Variants in NOD2 observed in about 807,000 individuals in gnomAD.
NOD2 encodes the protein nucleotide-binding oligomerization domain-containing protein 2.
NOD2 carries 86 observed loss-of-function variants against 90.9 expected under a neutral mutation model. The observed-to-expected ratio is 0.95, with a 90% CI of 0.79 to 1.13. The LOEUF is 1.13. Among genes scored for constraint, NOD2 ranks in the 50% most tolerant of loss-of-function variants. NOD2 has a pLI of 0.00. For synonymous variants in NOD2, 581 were observed against 554.6 expected (o/e 1.05, Z -0.67); for missense variants, 1,238 against 1,283.8 (o/e 0.96, Z 0.55).
At chr16:50,697,339 C>A (rs371063908) in intron 1 of NOD2, 3 of 1,547,812 alleles carry the variant, frequency 1.9e-6, no homozygotes, top group South Asian at 1.2e-5. Context: ...GGCATTGTCC[C>A]GTCCCAGCTT....
In NOD2 at chr16:50,725,486, C is replaced by T. The variant is rs1023625248; in HGVS notation, c.2802-3C>T. On this transcript the variant is annotated splice_polypyrimidine_tract_variant and splice_region_variant and intron_variant, in intron 9 of 11. Coordinates refer to ENST00000647318, the MANE Select transcript of NOD2 (RefSeq NM_001370466.1). Reference sequence around the variant, plus strand: ...ACTGGATTTTCTCTCTTCTTCTCACCAGCCTGGAGGAGAACCATCTCCAGG... The same window carrying T: ...ACTGGATTTTCTCTCTTCTTCTCACTAGCCTGGAGGAGAACCATCTCCAGG... 6.2e-7 allele frequency: 1 copy of T among 1,612,070 alleles called. No homozygotes were observed. The highest frequency in any genetic ancestry group is 8.5e-7 in the Non-Finnish European group (1 of 1,178,266).
At chr16:50,710,423 A>C (rs1964406344) in intron 3 of NOD2, 135 bp from the exon 4 acceptor site, 2 of 1,127,416 alleles carry the variant, frequency 1.8e-6, no homozygotes. Flanking sequence ...TTGTGAATGG[A>C]GGAGCCAGGA....
At chr16:50,722,523 C>A in intron 7 of NOD2, 99 bp from the exon 8 acceptor site, 1 of 1,184,616 alleles carries the variant, frequency 8.4e-7, no homozygotes, top group Non-Finnish European at 1.3e-6. Context: ...TCCTGCCCCT[C>A]TGGCTGGGAC....
chr16:50,719,819 C>A, intron 6 of NOD2, 106 bp from the exon 7 acceptor site: 1 of 987,924 alleles, frequency 1.0e-6, no homozygotes, highest in South Asian at 1.3e-5. Context: ...GCCTCCCGGG[C>A]AGGTCTTCAA....
chr16:50,723,150 A>G (rs1237744767), intron 8 of NOD2, 151 bp from the exon 9 acceptor site: 16 of 637,978 alleles, frequency 2.5e-5, no homozygotes, highest in East Asian at 2.2e-4. Context: ...AAAAAAAAAA[A>G]AAAAGAAAAA....
intron 1 of NOD2, chr16:50,697,063 C>T (rs1343050979): frequency 1.5e-6 from 1 of 652,880 alleles, no homozygotes; most frequent in African/African-American, 1.8e-5. Context: ...CTTGGAATTG[C>T]CTAGTTCTGG....
rs147260064 is a variant in NOD2 at position 50,714,329 on chromosome 16, C to T, written c.2381+1956C>T. 8.5e-5 allele frequency among the ~76,000 whole-genome samples: 13 copies of T among 152,150 alleles called. No individual in the cohort carries two copies. In the East Asian group the frequency reaches 9.7e-4, roughly 11 times the overall value. On this transcript the variant is annotated intron_variant, in intron 4 of 11. Transcript: ENST00000647318. ...TCAGACTGTGGTGTGTAAAGGCACT[C>T]GTGGCAATGCAGATTCCTGGGCCTG...
Position 50,712,098 on chromosome 16 carries a change from G to T in NOD2, c.2106G>T (p.Glu702Asp). Residue 702 changes from glutamate (E) to aspartate (D), a missense_variant, in exon 4 of 12, where the codon GAG (glutamate) becomes GAT (aspartate). Glu to Asp is a conservative substitution (Grantham distance 45). This residue lies in a region of NOD2 where 667 missense variants were observed against 688.7 expected (regional missense o/e 0.97). Coordinates refer to ENST00000647318, the MANE Select transcript of NOD2 (RefSeq NM_001370466.1). Reference sequence around the variant, plus strand: ...CCATCCCGCCAGCTGCACCGGGTGAGGCCAAGAGCGTGCATGCCATGCCCG... The same window carrying T: ...CCATCCCGCCAGCTGCACCGGGTGATGCCAAGAGCGTGCATGCCATGCCCG... ...FHSIPPAAPGEAKSVHAMPGF... is the reference protein window; with the variant it reads ...FHSIPPAAPGDAKSVHAMPGF... 1.2e-5 allele frequency: 19 copies of T among 1,613,938 alleles called. No individual in the cohort carries two copies. Among genetic ancestry groups the T allele is most frequent in the Non-Finnish European group, 1.5e-5 (18 of 1,180,026 alleles).
chr16:50,695,250 A>G (rs1963594172), intron 1 of NOD2, among the ~76,000 whole-genome samples: 1 of 152,128 alleles, frequency 6.6e-6, no homozygotes, highest in African/African-American at 2.4e-5. Context: ...CCCATGGCCC[A>G]GAGGTGGTTA....
At chr16:50,700,370 C>T (rs1333360768) in intron 2 of NOD2, among the ~76,000 whole-genome samples, 5 of 152,152 alleles carry the variant, frequency 3.3e-5, no homozygotes, top group African/African-American at 7.2e-5. Flanking sequence ...GCAATCCTCC[C>T]GCCTTGGCCT....
chr16:50,711,772 G>A lies in NOD2; in HGVS notation c.1780G>A (p.Val594Met). 6.2e-7 allele frequency: 1 copy of A among 1,614,194 alleles called. No homozygotes were observed. Among genetic ancestry groups the A allele is most frequent in the Non-Finnish European group, 8.5e-7 (1 of 1,180,044 alleles). The change falls in exon 4 of 12, where the codon GTG becomes ATG. Residue 594 changes from valine to methionine, a missense_variant. Transcript: ENST00000647318. The stretch of plus-strand genomic sequence containing the variant: ...GTTCTACCTGGCACTCAGTGCTGAT[G>A]TGCCACCAGCTTTGCTCAGACACCT... ...AAFYLALSADVPPALLRHLFN... is the reference protein window; with the variant it reads ...AAFYLALSADMPPALLRHLFN...
In NOD2 at chr16:50,711,573, T is replaced by A. The variant is rs1369897279; in HGVS notation, c.1581T>A (p.Ala527=). The change falls in exon 4 of 12, where the codon GCT becomes GCA. Residue 527 remains alanine, a synonymous_variant. Coordinates refer to ENST00000647318, the MANE Select transcript of NOD2 (RefSeq NM_001370466.1). ...CCCTCCTGCACCTGGGCAGACTGGCTCTGTGGGGCCTGGGCATGTGCTGCT... is the reference window on the plus strand; with the variant it reads ...CCCTCCTGCACCTGGGCAGACTGGCACTGTGGGGCCTGGGCATGTGCTGCT... The part of the protein sequence containing the change: ...LPTLLHLGRL[A]LWGLGMCCYV... 6.2e-7 allele frequency: 1 copy of A among 1,612,088 alleles called. No homozygotes were observed. The highest frequency in any genetic ancestry group is 2.2e-5 in the East Asian group (1 of 44,878).
intron 1 of NOD2, chr16:50,697,486 G>T (rs1249279804): frequency 1.3e-5 from 9 of 712,606 alleles, no homozygotes; most frequent in Middle Eastern, 2.4e-4. Flanking sequence ...CCTGGGCAGG[G>T]TCAATGGTGG....
At position 50,711,372 on chromosome 16, in the gene NOD2, C is replaced by A. The variant is rs1167519374; in HGVS notation, c.1380C>A (p.Val460=). ...TGCACGGTTTGTGCCACCTGCCTGT[C>A]TTCTCATGGATGGTGTCCAAATGCC... is the stretch of plus-strand genomic sequence containing the variant. ...SALHGLCHLP[V]FSWMVSKCHQ... Residue 460 remains valine, a synonymous_variant, in exon 4 of 12, where the codon GTC becomes GTA. Transcript: ENST00000647318. The A allele has an allele frequency of 6.2e-7, 1 of 1,613,786 alleles. No homozygotes were observed. The highest frequency in any genetic ancestry group is 8.5e-7 in the Non-Finnish European group (1 of 1,180,046).
chr16:50,718,421 C>T (rs1964896484), intron 6 of NOD2, among the ~76,000 whole-genome samples: 1 of 152,188 alleles, frequency 6.6e-6, no homozygotes, highest in Non-Finnish European at 1.5e-5. Context: ...AGCTGGATGG[C>T]ACGTGATCAG....
In NOD2 at chr16:50,723,541, G is replaced by A. The variant is rs555038655; in HGVS notation, c.2801+157G>A. ...TGTTTGTCTTTATATGTACTGAGTG[G>A]TATGAAGCTTATAGAGCCTGGTATG... On this transcript the variant is annotated intron_variant, in intron 9 of 11. Coordinates refer to ENST00000647318, the MANE Select transcript of NOD2 (RefSeq NM_001370466.1). Among the ~76,000 whole-genome samples the A allele has an allele frequency of 2.2e-4, 33 of 152,216 alleles. 1 individual carries two copies. In the South Asian group the frequency reaches 5.6e-3, roughly 26 times the overall value.
intron 7 of NOD2, among the ~76,000 whole-genome samples, chr16:50,721,518 G>A (rs899493965): frequency 3.3e-5 from 5 of 151,678 alleles, no homozygotes; most frequent in Non-Finnish European, 7.4e-5. Flanking sequence ...TACAGAAAGG[G>A]TCTCACTCTG....
intron 1 of NOD2, chr16:50,697,498 G>A (rs1233286053): frequency 5.8e-6 from 4 of 685,410 alleles, no homozygotes; most frequent in Non-Finnish European, 1.1e-5. Context: ...CAATGGTGGG[G>A]GCCGCTGTCG....
At chr16:50,715,203 G>A (rs1298363575) in intron 4 of NOD2, among the ~76,000 whole-genome samples, 4 of 152,298 alleles carry the variant, frequency 2.6e-5, no homozygotes, top group East Asian at 1.9e-4. Flanking sequence ...AAGTCACTTC[G>A]CTTGTCTGTG....
Sources: allele counts gnomAD v4.1 joint callset (sites outside exome capture counted in the v4.1 genomes callset), GRCh38; gene constraint gnomAD v4.1.1; regional missense constraint gnomAD v4.1.1; transcripts MANE v1.5; gene names NCBI Gene and HGNC (gene_info 2026-07-23, HGNC 2026-07-21).